HELB: variants seen among roughly 807,000 people sequenced by gnomAD.
HELB encodes the protein DNA 5'-3' helicase B.
Under a neutral mutation model 101.7 loss-of-function variants are expected in HELB, and 96 were observed. The ratio of observed to expected loss-of-function variants is 0.94; its 90% CI spans 0.80 to 1.12. The LOEUF is 1.12. HELB is among the 50% of genes most tolerant of loss of function. The pLI is 0.00. For synonymous variants in HELB, 437 were observed against 459.7 expected (o/e 0.95, Z 0.63); for missense variants, 1,210 against 1,291.9 (o/e 0.94, Z 0.97).
At chr12:66,337,209 T>A (rs1177670049) in intron 12 of HELB, among the ~76,000 whole-genome samples, 3 of 152,014 alleles carry the variant, frequency 2.0e-5, no homozygotes, top group Non-Finnish European at 4.4e-5. Flanking sequence ...TAGTTGAGGG[T>A]GGAGGGGGAA....
intron 9 of HELB, 116 bp downstream of exon 9, chr12:66,322,899 T>TC: frequency 1.7e-6 from 1 of 575,528 alleles, no homozygotes; most frequent in East Asian, 2.8e-5. Flanking sequence ...TAGTTTTTTT[T>TC]CCCATTTGTG....
chr12:66,311,875 G>A (rs182304458), intron 4 of HELB, among the ~76,000 whole-genome samples: 106 of 152,320 alleles, frequency 7.0e-4, no homozygotes, highest in African/African-American at 2.5e-3. Context: ...GAAGATTTCT[G>A]AAGAAGGTAA....
rs1196009535 is a variant in HELB, at chr12:66,304,813, G to A, written c.270G>A (p.Lys90=). ...FPITGAWWRV[K]VQVKPVVGSR... is the part of the protein sequence containing the mutation. ...TAACAGGTGCTTGGTGGAGAGTGAAGGTACAAGTAAAGCCTGTGGTGGGAT... is the reference window on the plus strand; with the variant it reads ...TAACAGGTGCTTGGTGGAGAGTGAAAGTACAAGTAAAGCCTGTGGTGGGAT... The change falls in exon 2 of 13, where the codon AAG becomes AAA. Residue 90 remains lysine, a synonymous_variant. Transcript: ENST00000247815. The A allele has an allele frequency of 6.2e-7, 1 of 1,614,022 alleles. No individual in the cohort carries two copies. Among genetic ancestry groups the A allele is most frequent in the Admixed American group, 1.7e-5 (1 of 60,016 alleles).
intron 12 of HELB, among the ~76,000 whole-genome samples, chr12:66,332,946 GAA>G (rs1359355512): frequency 2.0e-5 from 3 of 151,822 alleles, no homozygotes; most frequent in Non-Finnish European, 4.4e-5. Context: ...TCACTAAAAT[GAA>G]TCAAACTTTT....
chr12:66,313,834 G>T, intron 4 of HELB, 152 bp from the exon 5 acceptor site: 1 of 651,860 alleles, frequency 1.5e-6, no homozygotes, highest in South Asian at 1.7e-5. Context: ...TGGTCTGTCT[G>T]TTCTGCATAT....
In HELB at chr12:66,328,811, T is replaced by G. The variant is rs182623512; in HGVS notation, c.2671-2343T>G. ...TATTGATTATATGTTAAAATGATGA[T>G]ATTTTGGATATGTTAGCTTAAGTAA... On this transcript the variant is annotated intron_variant, in intron 11 of 12. Transcript: ENST00000247815. Among the ~76,000 whole-genome samples, 1,190 of 152,330 alleles carry G rather than the reference T, an allele frequency of 7.8e-3. 10 individuals carry two copies. The highest frequency in any genetic ancestry group is 0.011 in the Admixed American group (172 of 15,296).
rs993724273 is a variant in HELB at position 66,326,722 on chromosome 12, TG to T, written c.2670+1597del. On this transcript the variant is annotated intron_variant, in intron 11 of 12. Transcript: ENST00000247815. ...TTATTAAAAATGCCCACAATTCAGCTGATTTTTTTTTTTTAAAGGTAAAAAA... is the reference window on the plus strand; with the variant it reads ...TTATTAAAAATGCCCACAATTCAGCTATTTTTTTTTTTTAAAGGTAAAAAA... Among the ~76,000 whole-genome samples the T allele has an allele frequency of 2.5e-4, 28 of 112,430 alleles. No individual in the cohort carries two copies. The South Asian group carries it at 8.2e-3, about 33-fold the overall frequency. The allele number at this position is 112,430 out of a possible 152,430, so 73.8% of individuals were successfully genotyped here.
chr12:66,331,963 A>G (rs762457327), intron 12 of HELB, among the ~76,000 whole-genome samples: 12 of 152,154 alleles, frequency 7.9e-5, no homozygotes, highest in Non-Finnish European at 1.3e-4. Context: ...AGTTTTGACT[A>G]TAGTAACATT....
At chr12:66,317,885 A>T (rs1361211092) in intron 6 of HELB, among the ~76,000 whole-genome samples, 2 of 152,222 alleles carry the variant, frequency 1.3e-5, no homozygotes, top group East Asian at 3.9e-4. Context: ...AAGAAGACAC[A>T]GTAGGGTACC....
chr12:66,335,517 G>GA (rs1157313142), intron 12 of HELB, among the ~76,000 whole-genome samples: 9 of 152,172 alleles, frequency 5.9e-5, no homozygotes, highest in Non-Finnish European at 1.3e-4. Context: ...GAGGGCTGCT[G>GA]AAAAAAGAAG....
At chr12:66,315,424 T>A in intron 6 of HELB, 41 bp downstream of exon 6, 1 of 1,409,588 alleles carries the variant, frequency 7.1e-7, no homozygotes, top group Admixed American at 2.6e-5. Context: ...GTCTGTTGTA[T>A]TAGAAATTTA....
At chr12:66,304,600 C>T in intron 1 of HELB, 131 bp from the exon 2 acceptor site, 1 of 768,368 alleles carries the variant, frequency 1.3e-6, no homozygotes, top group Non-Finnish European at 2.0e-6. Context: ...TTACAGGCAC[C>T]CTACCAGACA....
At chr12:66,316,551 G>C (rs934335969) in intron 6 of HELB, among the ~76,000 whole-genome samples, 4 of 145,804 alleles carry the variant, frequency 2.7e-5, no homozygotes, top group Non-Finnish European at 6.0e-5. Context: ...TAACACTAAT[G>C]ATAGCTGATA....
rs1016413260 is a variant in HELB, at chr12:66,319,501, A to T, written c.2155+709A>T. On this transcript the variant is annotated intron_variant, in intron 7 of 12. Coordinates refer to ENST00000247815, the MANE Select transcript of HELB (RefSeq NM_001370285.1). ...AATGTCAGTTTGTTGTGACTAATAG[A>T]TGTTATTAAATTAGCTATTGCAAGT... Among the ~76,000 whole-genome samples the T allele has an allele frequency of 1.3e-5, 2 of 152,334 alleles. 1 individual carries two copies. The highest frequency in any genetic ancestry group is 4.1e-4 in the South Asian group (2 of 4,828).
intron 3 of HELB, among the ~76,000 whole-genome samples, chr12:66,308,180 C>T (rs1472939717): frequency 1.3e-5 from 2 of 152,012 alleles, no homozygotes; most frequent in Non-Finnish European, 2.9e-5. Context: ...TAAGTGATTA[C>T]TGCTTCCCAC....
intron 3 of HELB, among the ~76,000 whole-genome samples, chr12:66,308,183 C>T (rs548143445): frequency 6.6e-6 from 1 of 152,222 alleles, no homozygotes; most frequent in African/African-American, 2.4e-5. Flanking sequence ...GTGATTACTG[C>T]TTCCCACCCT....
At chr12:66,336,064 C>A (rs1399285234) in intron 12 of HELB, among the ~76,000 whole-genome samples, 1 of 152,158 alleles carries the variant, frequency 6.6e-6, no homozygotes, top group African/African-American at 2.4e-5. Flanking sequence ...AATTGCTGTT[C>A]ACATGGTAAT....
chr12:66,304,598 A>G, intron 1 of HELB, 133 bp from the exon 2 acceptor site: 1 of 746,396 alleles, frequency 1.3e-6, no homozygotes, highest in Non-Finnish European at 2.1e-6. Context: ...TGTTACAGGC[A>G]CCCTACCAGA....
intron 10 of HELB, chr12:66,324,508 G>C: frequency 3.5e-6 from 1 of 283,696 alleles, no homozygotes; most frequent in East Asian, 7.5e-5. Context: ...CGAAGTACTT[G>C]AGTAACAAAA....
Sources: gnomAD v4.1 joint callset for allele counts (sites outside exome capture counted in the v4.1 genomes callset) on GRCh38, gnomAD v4.1.1 for gene constraint, MANE v1.5 for transcripts, NCBI Gene and HGNC (gene_info 2026-07-23, HGNC 2026-07-21) for gene names.